CELF5: variants seen among roughly 807,000 people sequenced by gnomAD.
CELF5 encodes the protein CUG-BP and ETR-3 like factor 5.
In CELF5, 6 loss-of-function variants were observed where a neutral mutation model predicts 54.9. The observed-to-expected ratio is 0.11, with a 90% CI of 0.06 to 0.22. The LOEUF is 0.22. CELF5 is among the 10% of genes least tolerant of loss of function. CELF5 has a pLI of 1.00. For missense variants in CELF5, 401 were observed against 678.6 expected (o/e 0.59, Z 4.54); for synonymous variants, 271 against 290.9 (o/e 0.93, Z 0.70).
rs1267295173 is a variant in CELF5 at position 3,296,857 on chromosome 19, G to C, written c.*140G>C. Reference sequence around the variant, plus strand: ...TTTGGGACAAACCAACACACACACAGAAGAGAAAGCAAAGAACTTGGAACT... The same window carrying C: ...TTTGGGACAAACCAACACACACACACAAGAGAAAGCAAAGAACTTGGAACT... On this transcript the variant is annotated 3_prime_UTR_variant, in exon 13 of 13. Transcript: ENST00000292672. 1 of 152,146 alleles carries C rather than the reference G, an allele frequency of 6.6e-6. No individual in the cohort carries two copies. Among genetic ancestry groups the C allele is most frequent in the African/African-American group, 2.4e-5 (1 of 41,422 alleles). 9.4% of individuals were successfully genotyped at this position (152,146 alleles called of 1,614,324 possible). A position where few individuals can be genotyped will look rare whatever the true frequency, so the allele number is the denominator to read the frequency against.
At chr19:3,226,468 A>ACACG (rs1916921908) in intron 1 of CELF5, among the ~76,000 whole-genome samples, 1 of 151,694 alleles carries the variant, frequency 6.6e-6, no homozygotes, top group Non-Finnish European at 1.5e-5. Flanking sequence ...ACACACACAC[A>ACACG]CACACACAAA....
chr19:3,241,302 C>G (rs1440914530), intron 1 of CELF5, among the ~76,000 whole-genome samples: 2 of 151,288 alleles, frequency 1.3e-5, no homozygotes, highest in African/African-American at 2.4e-5. Flanking sequence ...AGCATAGTCT[C>G]TATCTCCTGA....
intron 2 of CELF5, among the ~76,000 whole-genome samples, chr19:3,258,766 C>T (rs964432410): frequency 1.3e-5 from 2 of 152,002 alleles, no homozygotes; most frequent in African/African-American, 4.8e-5. Flanking sequence ...CACATGCCAC[C>T]ACGCCTGGCT....
intron 1 of CELF5, among the ~76,000 whole-genome samples, chr19:3,246,253 A>T (rs771934155): frequency 6.6e-6 from 1 of 152,156 alleles, no homozygotes; most frequent in Non-Finnish European, 1.5e-5. Context: ...AATCCCAGCT[A>T]CTTGGGAGGC....
intron 1 of CELF5, among the ~76,000 whole-genome samples, chr19:3,243,628 T>C (rs1323076958): frequency 2.0e-5 from 3 of 152,160 alleles, no homozygotes; most frequent in Non-Finnish European, 4.4e-5. Flanking sequence ...GATGGGGAAC[T>C]GTACGAGTTT....
chr19:3,243,101 G>A (rs1055287573), intron 1 of CELF5, among the ~76,000 whole-genome samples: 11 of 152,112 alleles, frequency 7.2e-5, no homozygotes, highest in African/African-American at 2.7e-4. Context: ...CTACTGCATA[G>A]GGGCTACTAT....
chr19:3,251,153 C>T (rs2079641843), intron 2 of CELF5, 86 bp downstream of exon 2: 2 of 939,088 alleles, frequency 2.1e-6, no homozygotes, highest in African/African-American at 1.6e-5. Context: ...CTGAGATTGG[C>T]TGTGAATTCT....
In CELF5 at chr19:3,282,099, C is replaced by T; in HGVS notation, c.751-27C>T. 1 of 1,613,774 alleles carries T rather than the reference C, an allele frequency of 6.2e-7. No homozygotes were observed. On this transcript the variant is annotated intron_variant, in intron 6 of 12. Transcript: ENST00000292672. This position sits in a 1 kb window ranked among gnomAD's most constrained non-coding sequence, Gnocchi z 5.2. ...CCATGATCTCAGGGCAGATATCACC[C>T]CAACTGTGACATGTCTTCACCCCCA...
rs1048807744 is a variant in CELF5 at position 3,268,357 on chromosome 19, C to T, written c.343-5515C>T. 5.3e-5 allele frequency among the ~76,000 whole-genome samples: 8 copies of T among 152,112 alleles called. No individual in the cohort carries two copies. Among genetic ancestry groups the T allele is most frequent in the African/African-American group, 1.7e-4 (7 of 41,396 alleles). ...AAGGTGAGGCCTGTCAGGTGCTGAA[C>T]GCAGAACCCGAGCTCGGCACACAGG... On this transcript the variant is annotated intron_variant, in intron 2 of 12. Coordinates refer to ENST00000292672, the MANE Select transcript of CELF5 (RefSeq NM_021938.4). This position sits in a 1 kb window ranked among gnomAD's most constrained non-coding sequence, Gnocchi z 4.4.
At chr19:3,231,036 C>A (rs968982758) in intron 1 of CELF5, among the ~76,000 whole-genome samples, 1 of 152,176 alleles carries the variant, frequency 6.6e-6, no homozygotes, top group African/African-American at 2.4e-5. Context: ...AAACATAGAC[C>A]AGGGTCAGAG....
At chr19:3,290,627 A>C (rs1168556184) in intron 11 of CELF5, among the ~76,000 whole-genome samples, 2 of 148,006 alleles carry the variant, frequency 1.4e-5, no homozygotes, top group African/African-American at 2.5e-5. Flanking sequence ...GCAGTGGTGC[A>C]ATCTCGGCTC....
intron 2 of CELF5, among the ~76,000 whole-genome samples, chr19:3,261,722 G>C (rs2079808983): frequency 6.6e-6 from 1 of 152,106 alleles, no homozygotes; most frequent in Non-Finnish European, 1.5e-5. Flanking sequence ...CTGGGAGGCT[G>C]AGACAGGAGG....
chr19:3,239,879 T>G (rs1362838109), intron 1 of CELF5, among the ~76,000 whole-genome samples: 2 of 152,094 alleles, frequency 1.3e-5, no homozygotes, highest in African/African-American at 2.4e-5. Flanking sequence ...CACACACCTC[T>G]GACTATGCCC....
chr19:3,238,825 G>A (rs551553998), intron 1 of CELF5, among the ~76,000 whole-genome samples: 3 of 152,264 alleles, frequency 2.0e-5, no homozygotes, highest in African/African-American at 7.2e-5. Flanking sequence ...CAGTACTCAG[G>A]AGGCTGAAGC....
chr19:3,226,540 G>A (rs1441405301), intron 1 of CELF5, among the ~76,000 whole-genome samples: 1 of 151,590 alleles, frequency 6.6e-6, no homozygotes, highest in Non-Finnish European at 1.5e-5. Flanking sequence ...CTCCCATGCG[G>A]CCCCCATAAG....
At chr19:3,290,876 C>G (rs1471463039) in intron 11 of CELF5, among the ~76,000 whole-genome samples, 1 of 151,608 alleles carries the variant, frequency 6.6e-6, no homozygotes, top group East Asian at 2.0e-4. Context: ...AATCCCAGCA[C>G]TTTGAGAGGC....
Position 3,281,318 on chromosome 19 carries a change from C to T in CELF5, c.723C>T (p.Phe241=). ...TGACGCCGTCCCTCACATTGCCCTT[C>T]AGCCCCTACAGTGCCTACGCCCAGG... ...GILTPSLTLP[F]SPYSAYAQAL... is the part of the protein sequence containing the mutation. The change falls in exon 6 of 13, where the codon TTC becomes TTT. Residue 241 remains phenylalanine (F), a synonymous_variant. Transcript: ENST00000292672. This position sits in a 1 kb window ranked among gnomAD's most constrained non-coding sequence, Gnocchi z 6.5. 6.2e-7 allele frequency: 1 copy of T among 1,610,388 alleles called. No individual in the cohort carries two copies. Among genetic ancestry groups the T allele is most frequent in the Middle Eastern group, 1.7e-4 (1 of 6,058 alleles).
chr19:3,229,471 G>GC (rs1450991900), intron 1 of CELF5, among the ~76,000 whole-genome samples: 3 of 152,250 alleles, frequency 2.0e-5, no homozygotes, highest in East Asian at 3.9e-4. Flanking sequence ...GGGGGGCCCT[G>GC]CCCCCGCAGG....
intron 3 of CELF5, among the ~76,000 whole-genome samples, chr19:3,274,426 A>G (rs778570004): frequency 6.6e-6 from 1 of 152,250 alleles, no homozygotes. Context: ...CAGCTGGTGC[A>G]CATAAGCGCA....
Sources: allele counts gnomAD v4.1 joint callset (sites outside exome capture counted in the v4.1 genomes callset), GRCh38; gene constraint gnomAD v4.1.1; non-coding constraint Gnocchi (gnomAD v3.1); transcripts MANE v1.5; gene names NCBI Gene and HGNC (gene_info 2026-07-23, HGNC 2026-07-21).